The following LILRA2 variants were observed in gnomAD, a reference collection of about 807,000 sequenced individuals.
The protein encoded by LILRA2 is leukocyte immunoglobulin-like receptor subfamily A member 2.
A neutral mutation model predicts 47.9 loss-of-function variants in LILRA2; 45 were observed. The observed-to-expected ratio is 0.94, with a 90% CI of 0.74 to 1.20. The LOEUF (loss-of-function observed/expected upper bound fraction) is 1.20. Among genes scored for constraint, LILRA2 ranks in the 50% most tolerant of loss-of-function variants. LILRA2 has a pLI of 0.00. For missense variants in LILRA2, 651 were observed against 598.2 expected, an observed-to-expected ratio of 1.09 and a Z score of -0.92; for synonymous variants, 279 against 249.2, an observed-to-expected ratio of 1.12 and a Z score of -1.13.
intron 6 of LILRA2, among the ~76,000 whole-genome samples, chr19:54,581,848 G>C (rs542842642): frequency 3.3e-5 from 5 of 152,052 alleles, no homozygotes; most frequent in Admixed American, 2.6e-4. Context: ...AAAAGAGCCC[G>C]CATTGTGCCG....
upstream of LILRA2, chr19:54,573,628 T>TG (rs2062216575): frequency 4.7e-6 from 4 of 847,108 alleles, no homozygotes; most frequent in South Asian, 1.7e-5. Flanking sequence ...AGACAGTGGC[T>TG]GGGGGGCAGG....
chr19:54,587,689 T>C lies in LILRA2; in HGVS notation c.*343T>C. The C allele has an allele frequency of 3.2e-6, 1 of 311,386 alleles. No individual in the cohort carries two copies. Among genetic ancestry groups the C allele is most frequent in the Non-Finnish European group, 6.1e-6 (1 of 164,864 alleles). The allele number at this position is 311,386 out of a possible 1,614,324, so 19.3% of individuals were successfully genotyped here. A position where few individuals can be genotyped will look rare whatever the true frequency, so the allele number is the denominator to read the frequency against. On this transcript the variant is annotated 3_prime_UTR_variant, in exon 8 of 8. Transcript: ENST00000391738. ...CTGGTCCACGGCATGTGACACAGTC[T>C]TCCTTATTCCTCATTGTCACACTCC...
Position 54,587,693 on chromosome 19 carries a change from T to C in LILRA2, c.*347T>C. 3.3e-6 allele frequency: 1 copy of C among 302,252 alleles called. No individual in the cohort carries two copies. Among genetic ancestry groups the C allele is most frequent in the Non-Finnish European group, 6.3e-6 (1 of 159,222 alleles). The allele number at this position is 302,252 out of a possible 1,614,324, so 18.7% of individuals were successfully genotyped here. A position where few individuals can be genotyped will look rare whatever the true frequency, so the allele number is the denominator to read the frequency against. On this transcript the variant is annotated 3_prime_UTR_variant, in exon 8 of 8. Transcript: ENST00000391738. ...TCCACGGCATGTGACACAGTCTTCC[T>C]TATTCCTCATTGTCACACTCCTTGA...
At chr19:54,573,553 C>A, upstream of LILRA2, 2 of 775,284 alleles carry the variant, frequency 2.6e-6, no homozygotes, top group Non-Finnish European at 2.2e-6. Flanking sequence ...AGGGCAGACG[C>A]AGGAGGGCAC....
chr19:54,586,836 C>T (rs2062824541), intron 6 of LILRA2, among the ~76,000 whole-genome samples, 174 bp from the exon 7 acceptor site: 1 of 152,182 alleles, frequency 6.6e-6, no homozygotes, highest in African/African-American at 2.4e-5. Flanking sequence ...TTGTAGAACA[C>T]AGGAAGTCTG....
chr19:54,581,957 C>A (rs1000396759), intron 6 of LILRA2, among the ~76,000 whole-genome samples: 2 of 152,090 alleles, frequency 1.3e-5, no homozygotes, highest in Admixed American at 6.5e-5. Flanking sequence ...CCATCAGTAC[C>A]GAGTTTATTG....
rs1238193610 is a variant in LILRA2, at chr19:54,589,908, G to A, written c.*2562G>A. 6.6e-6 allele frequency: 1 copy of A among 151,934 alleles called. No individual in the cohort carries two copies. Among genetic ancestry groups the A allele is most frequent in the Non-Finnish European group, 1.5e-5 (1 of 68,000 alleles). The allele number at this position is 151,934 out of a possible 1,614,324, so 9.4% of individuals were successfully genotyped here. A position where few individuals can be genotyped will look rare whatever the true frequency, so the allele number is the denominator to read the frequency against. ...CGATCATTTTTTCTACCACTTTTCA[G>A]TCCTGGGAAACTCAGTCCCAATGTG... On this transcript the variant is annotated 3_prime_UTR_variant, in exon 8 of 8. Transcript: ENST00000391738.
intron 6 of LILRA2, among the ~76,000 whole-genome samples, chr19:54,586,694 C>T (rs889627140): frequency 6.6e-6 from 1 of 152,148 alleles, no homozygotes; most frequent in Non-Finnish European, 1.5e-5. Context: ...AGAGAGCACA[C>T]AAGGTCCCAG....
rs2062418108 is a variant in LILRA2, at chr19:54,576,089, C to T, written c.1235C>T (p.Pro412Leu). The T allele has an allele frequency of 1.9e-6, 3 of 1,614,218 alleles. No homozygotes were observed. The East Asian group carries it at 6.7e-5, about 36-fold the overall frequency. Residue 412 changes from proline (P) to leucine (L), a missense_variant, in exon 6 of 8, where the codon CCC becomes CTC. Coordinates refer to ENST00000391738, the MANE Select transcript of LILRA2 (RefSeq NM_001130917.3). ...NPYLLSLPSD[P>L]LELVVSEAAE... ...TACCTGCTGTCTCTCCCCAGTGACC[C>T]CCTGGAGCTCGTGGTCTCAGGTGAG...
chr19:54,575,247 T>A lies in LILRA2; in HGVS notation c.656-9T>A, dbSNP rs536352079. ...TCGGCTCCTGGAAACCATGAACACC[T>A]TTTCCCAGGTGTTTCTAAGAAGCCA... On this transcript the variant is annotated splice_polypyrimidine_tract_variant and intron_variant, in intron 4 of 7. Transcript: ENST00000391738. The A allele has an allele frequency of 1.3e-5, 21 of 1,602,038 alleles. No homozygotes were observed. In the Middle Eastern group the frequency reaches 8.4e-4, roughly 64 times the overall value.
At chr19:54,576,501 A>T (rs1477886488) in intron 6 of LILRA2, among the ~76,000 whole-genome samples, 2 of 152,276 alleles carry the variant, frequency 1.3e-5, no homozygotes, top group East Asian at 3.9e-4. Flanking sequence ...GCTCAAGAGA[A>T]GTTTCTAGAC....
chr19:54,577,483 C>T (rs1399008086), intron 6 of LILRA2: 1 of 1,289,132 alleles, frequency 7.8e-7, no homozygotes, highest in Non-Finnish European at 1.0e-6. Flanking sequence ...AGTATAAGCC[C>T]TTCACCCACA....
rs145792151 is a variant in LILRA2, at chr19:54,575,488, C to T, written c.888C>T (p.Tyr296=). The T allele has an allele frequency of 1.5e-3, 2,426 of 1,611,590 alleles. 52 individuals are homozygous for T. The African/African-American group carries it at 0.028, about 19-fold the overall frequency. ...CCCACGGGGGCCAGTACAGATGCTA[C>T]AGTGCACACAACCTCTCCTCCGAGT... ...SPSHGGQYRC[Y]SAHNLSSEWS... Residue 296 remains tyrosine, a synonymous_variant, in exon 5 of 8, where the codon TAC becomes TAT. Transcript: ENST00000391738.
chr19:54,585,654 C>T (rs79224301), intron 6 of LILRA2, among the ~76,000 whole-genome samples: 1,665 of 152,306 alleles, frequency 0.011, 27 homozygotes, highest in African/African-American at 0.038. Flanking sequence ...GGGAATAGTG[C>T]AGTAGTTGGT....
Position 54,574,861 on chromosome 19 carries a change from A to G in LILRA2, c.483A>G (p.Glu161=). The G allele has an allele frequency of 6.2e-7, 1 of 1,614,186 alleles. No homozygotes were observed. Among genetic ancestry groups the G allele is most frequent in the Non-Finnish European group, 8.5e-7 (1 of 1,180,032 alleles). ...TTCTGTGTAAGGAAGGAGAAGATGAACACCCACAACGCCTGAACTCCCATT... is the reference window on the plus strand; with the variant it reads ...TTCTGTGTAAGGAAGGAGAAGATGAGCACCCACAACGCCTGAACTCCCATT... ...GFILCKEGED[E]HPQRLNSHSH... Residue 161 remains glutamate (E), a synonymous_variant, in exon 4 of 8, where the codon GAA becomes GAG. Transcript: ENST00000391738.
At chr19:54,579,947 G>T (rs899199141) in intron 6 of LILRA2, among the ~76,000 whole-genome samples, 9 of 152,092 alleles carry the variant, frequency 5.9e-5, no homozygotes, top group Non-Finnish European at 1.2e-4. Context: ...TGTAATTTTT[G>T]CACATTGATT....
Position 54,575,044 on chromosome 19 carries a change from C to T in LILRA2, c.655+11C>T, listed in dbSNP as rs200994792. The T allele has an allele frequency of 1.1e-4, 176 of 1,610,298 alleles. No individual in the cohort carries two copies. In the African/African-American group the frequency reaches 2.1e-3, roughly 19 times the overall value. ...AGCTCCTGGTCCCAGGTGAGAAATT[C>T]ACAGAATTGCTTGGAGTTCCCTGAG... On this transcript the variant is annotated intron_variant, in intron 4 of 7. Transcript: ENST00000391738.
Position 54,574,989 on chromosome 19 carries a change from A to G in LILRA2, c.611A>G (p.Tyr204Cys), listed in dbSNP as rs184492373. 4.7e-5 allele frequency: 76 copies of G among 1,614,162 alleles called. No individual in the cohort carries two copies. The highest frequency in any genetic ancestry group is 1.7e-4 in the Admixed American group (10 of 60,024). Reference protein sequence around the residue: ...RCYAYDSNSPYVWSLPSDLLE... With the variant: ...RCYAYDSNSPCVWSLPSDLLE... ...TATGCTTATGACTCGAACTCTCCCT[A>G]TGTGTGGTCTCTACCCAGTGATCTC... Residue 204 changes from tyrosine (Y) to cysteine (C), a missense_variant, in exon 4 of 8, where the codon TAT (tyrosine) becomes TGT (cysteine). Transcript: ENST00000391738.
chr19:54,587,445 TCTGGA>T lies in LILRA2; in HGVS notation c.*103_*107del. 6.5e-7 allele frequency: 1 copy of T among 1,547,366 alleles called. No homozygotes were observed. Among genetic ancestry groups the T allele is most frequent in the Non-Finnish European group, 8.8e-7 (1 of 1,141,052 alleles). On this transcript the variant is annotated 3_prime_UTR_variant, in exon 8 of 8. Coordinates refer to ENST00000391738, the MANE Select transcript of LILRA2 (RefSeq NM_001130917.3). ...GGAGGACAATCTAGGACCTACATTA[TCTGGA>T]CTGTATGCTGGTCATTTCTAGAGAC...
Sources: gnomAD v4.1 joint callset for allele counts (sites outside exome capture counted in the v4.1 genomes callset) on GRCh38, gnomAD v4.1.1 for gene constraint, MANE v1.5 for transcripts, NCBI Gene and HGNC (gene_info 2026-07-23, HGNC 2026-07-21) for gene names.